KDM4B: variants seen among roughly 807,000 people sequenced by gnomAD.
The protein encoded by KDM4B is lysine-specific demethylase 4B.
Under a neutral mutation model 125.2 loss-of-function variants are expected in KDM4B, and 32 were observed. That is an observed-to-expected ratio of 0.26 (90% CI 0.19 to 0.34). KDM4B has a LOEUF of 0.34. Ranked by LOEUF, KDM4B falls within the 10% of genes least tolerant of loss-of-function variation. The pLI is 1.00. For missense variants in KDM4B, 1,190 were observed against 1,577.7 expected (o/e 0.75, Z 4.16); for synonymous variants, 721 against 677.9 (o/e 1.06, Z -0.99).
chr19:5,084,805 A>G (rs938155906), intron 9 of KDM4B, among the ~76,000 whole-genome samples: 1 of 151,132 alleles, frequency 6.6e-6, no homozygotes, highest in African/African-American at 2.4e-5. Context: ...CAGAGTGAGG[A>G]CCCGTCTCAA....
chr19:4,983,904 T>G (rs1311695334), intron 1 of KDM4B, among the ~76,000 whole-genome samples: 2 of 152,112 alleles, frequency 1.3e-5, no homozygotes, highest in African/African-American at 2.4e-5. Flanking sequence ...GTCTGTGTCT[T>G]TATTTCCAAA....
rs185464470 is a variant in KDM4B at position 4,985,216 on chromosome 19, C to T, written c.-109+15986C>T. ...GTGCACGCCCGCAGTCCCAGCTACT[C>T]GGGAGGCTGAGGCAGGAGAATCTCT... On this transcript the variant is annotated intron_variant, in intron 1 of 22. Coordinates refer to ENST00000159111, the MANE Select transcript of KDM4B (RefSeq NM_015015.3). Among the ~76,000 whole-genome samples the T allele has an allele frequency of 2.8e-4, 43 of 152,098 alleles. 1 individual carries two copies. Among genetic ancestry groups the T allele is most frequent in the Admixed American group, 1.2e-3 (18 of 15,276 alleles).
In KDM4B at chr19:5,132,027, G is replaced by A; in HGVS notation, c.1906+20G>A. 6.3e-7 allele frequency: 1 copy of A among 1,592,694 alleles called. No individual in the cohort carries two copies. The highest frequency in any genetic ancestry group is 1.8e-5 in the Admixed American group (1 of 56,244). ...ACGAGGGTGAGTGGGGGGTCCCCAG[G>A]TCGGCTCTCATCAGCCCTGCTCCGC... On this transcript the variant is annotated intron_variant, in intron 13 of 22. Coordinates refer to ENST00000159111, the MANE Select transcript of KDM4B (RefSeq NM_015015.3).
chr19:5,053,497 A>G (rs1390660878), intron 6 of KDM4B, among the ~76,000 whole-genome samples: 2 of 152,196 alleles, frequency 1.3e-5, no homozygotes, highest in African/African-American at 2.4e-5. Context: ...TTAGAAAATG[A>G]TAAGGTGTCA....
At chr19:4,974,882 C>T (rs1415931070) in intron 1 of KDM4B, among the ~76,000 whole-genome samples, 2 of 152,162 alleles carry the variant, frequency 1.3e-5, no homozygotes, top group Non-Finnish European at 2.9e-5. Context: ...CCCCTTCGCT[C>T]TGTCATCTGT....
chr19:5,001,038 T>C (rs796078798), intron 1 of KDM4B, among the ~76,000 whole-genome samples: 8 of 143,982 alleles, frequency 5.6e-5, no homozygotes, highest in African/African-American at 2.0e-4. Flanking sequence ...TGTCCCCTTC[T>C]TTTTTTTTTT....
intron 2 of KDM4B, among the ~76,000 whole-genome samples, chr19:5,026,849 C>T (rs1431527342): frequency 1.3e-5 from 2 of 152,154 alleles, no homozygotes; most frequent in South Asian, 2.1e-4. Flanking sequence ...CTACCCCTGC[C>T]CTGGTGTCCC....
At chr19:5,055,231 A>G (rs1275923628) in intron 6 of KDM4B, among the ~76,000 whole-genome samples, 1 of 152,186 alleles carries the variant, frequency 6.6e-6, no homozygotes, top group Non-Finnish European at 1.5e-5. Context: ...GTGACCGGGA[A>G]ACCCGGGGCA....
At chr19:5,061,828 TAAA>T (rs71170891) in intron 6 of KDM4B, among the ~76,000 whole-genome samples, 1 of 138,280 alleles carries the variant, frequency 7.2e-6, no homozygotes, top group African/African-American at 2.7e-5. Flanking sequence ...CCCTGTCTCT[TAAA>T]AAAAAAAAAC....
intron 9 of KDM4B, among the ~76,000 whole-genome samples, chr19:5,088,104 G>A (rs2038565242): frequency 6.6e-6 from 1 of 152,212 alleles, no homozygotes; most frequent in Non-Finnish European, 1.5e-5. Context: ...ACTGCCTGCC[G>A]GAGAGCAGGA....
chr19:5,132,014 G>C lies in KDM4B; in HGVS notation c.1906+7G>C, dbSNP rs529705482. On this transcript the variant is annotated splice_region_variant and intron_variant, in intron 13 of 22. Coordinates refer to ENST00000159111, the MANE Select transcript of KDM4B (RefSeq NM_015015.3). ...GAGGCCTCAAGTGACGAGGGTGAGT[G>C]GGGGGTCCCCAGGTCGGCTCTCATC... is the stretch of plus-strand genomic sequence containing the variant. The C allele has an allele frequency of 6.9e-5, 110 of 1,601,482 alleles. No individual in the cohort carries two copies. Among genetic ancestry groups the C allele is most frequent in the Non-Finnish European group, 9.0e-5 (106 of 1,174,562 alleles).
intron 1 of KDM4B, among the ~76,000 whole-genome samples, chr19:4,991,185 A>C (rs1189473729): frequency 6.6e-6 from 1 of 152,206 alleles, no homozygotes; most frequent in African/African-American, 2.4e-5. Flanking sequence ...ACAGAAAGGT[A>C]GACAACATGG....
At chr19:5,103,323 T>G (rs572881608) in intron 9 of KDM4B, among the ~76,000 whole-genome samples, 179 of 152,368 alleles carry the variant, frequency 1.2e-3, no homozygotes, top group African/African-American at 4.2e-3. Flanking sequence ...CTGATTTGTA[T>G]TTTTTCATGC....
At chr19:5,041,355 G>A in intron 5 of KDM4B, 104 bp downstream of exon 5, 2 of 845,448 alleles carry the variant, frequency 2.4e-6, no homozygotes, top group Non-Finnish European at 3.8e-6. Flanking sequence ...CTTCCAGGCA[G>A]GCAAGGTTAA....
intron 9 of KDM4B, among the ~76,000 whole-genome samples, chr19:5,098,751 C>T (rs1056699085): frequency 6.6e-5 from 10 of 152,064 alleles, no homozygotes; most frequent in African/African-American, 1.4e-4. Flanking sequence ...AGAGAGCTCC[C>T]TCGCCCCCTC....
chr19:5,086,797 C>G (rs2620799), intron 9 of KDM4B, among the ~76,000 whole-genome samples: 100,753 of 152,210 alleles, frequency 0.66, 33,639 homozygotes, highest in East Asian at 0.94. Flanking sequence ...GGCCAGACCA[C>G]TGCCACAGAT....
At position 5,114,420 on chromosome 19, in the gene KDM4B, C is replaced by G. The variant is rs2039216174; in HGVS notation, c.1115+3602C>G. ...CACCGCCACGCCTCTGGCCCCGACT[C>G]CTGCCAGGGCTGCCACGGCTGCCAC... On this transcript the variant is annotated intron_variant, in intron 10 of 22. Coordinates refer to ENST00000159111, the MANE Select transcript of KDM4B (RefSeq NM_015015.3). The surrounding 1 kb of genome is among the most constrained non-coding windows in gnomAD (Gnocchi z 5.8). 1 of 429,468 alleles carries G rather than the reference C, an allele frequency of 2.3e-6. No individual in the cohort carries two copies. Among genetic ancestry groups the G allele is most frequent in the East Asian group, 7.2e-5 (1 of 13,970 alleles). 26.6% of individuals were successfully genotyped at this position (429,468 alleles called of 1,614,324 possible). A position where few individuals can be genotyped will look rare whatever the true frequency, so the allele number is the denominator to read the frequency against.
intron 12 of KDM4B, 70 bp from the exon 13 acceptor site, chr19:5,131,816 GT>G (rs1268570877): frequency 1.9e-5 from 30 of 1,600,102 alleles, no homozygotes; most frequent in Non-Finnish European, 2.0e-5. Flanking sequence ...CCGAGCCCCT[GT>G]GTGGCTCCGA....
At chr19:5,034,180 C>G in intron 3 of KDM4B, among the ~76,000 whole-genome samples, 1 of 152,214 alleles carries the variant, frequency 6.6e-6, no homozygotes, top group South Asian at 2.1e-4. Context: ...TTTCACGGCT[C>G]TGAAGGTGGC....
Sources: allele counts gnomAD v4.1 joint callset (sites outside exome capture counted in the v4.1 genomes callset), GRCh38; gene constraint gnomAD v4.1.1; non-coding constraint Gnocchi (gnomAD v3.1); transcripts MANE v1.5; gene names NCBI Gene and HGNC (gene_info 2026-07-23, HGNC 2026-07-21).